Variants in DTWD1 observed in about 807,000 individuals in gnomAD.
The protein encoded by DTWD1 is tRNA-uridine aminocarboxypropyltransferase 1.
In DTWD1, 27 loss-of-function variants were observed where a neutral mutation model predicts 30.2. The observed-to-expected ratio is 0.90, with a 90% confidence interval of 0.66 to 1.23. The LOEUF (loss-of-function observed/expected upper bound fraction) is 1.23. DTWD1 is among the 50% of genes most tolerant of loss of function. DTWD1 has a pLI of 0.00. For synonymous variants in DTWD1, 99 were observed against 113.1 expected (o/e 0.88, Z 0.79); for missense variants, 342 against 348.8 (o/e 0.98, Z 0.15).
At chr15:49,629,192 A>G (rs2078885804) in intron 2 of DTWD1, among the ~76,000 whole-genome samples, 1 of 152,244 alleles carries the variant, frequency 6.6e-6, no homozygotes, top group Admixed American at 6.5e-5. Flanking sequence ...GAACACAAAC[A>G]TGGATTTCCA....
intron 2 of DTWD1, among the ~76,000 whole-genome samples, chr15:49,627,779 C>A (rs1218445359): frequency 6.6e-6 from 1 of 152,018 alleles, no homozygotes; most frequent in Non-Finnish European, 1.5e-5. Flanking sequence ...ATGGAATTTG[C>A]AGGACTGGAA....
intron 4 of DTWD1, among the ~76,000 whole-genome samples, chr15:49,642,407 A>AC (rs1567746081): frequency 6.6e-6 from 1 of 152,152 alleles, no homozygotes; most frequent in Non-Finnish European, 1.5e-5. Flanking sequence ...TTTTAAATGT[A>AC]CAAGAGCAAG....
At chr15:49,630,825 C>T (rs555339407) in intron 2 of DTWD1, 6 of 183,070 alleles carry the variant, frequency 3.3e-5, no homozygotes, top group Admixed American at 5.9e-5. Context: ...TATTTACAGC[C>T]GCTCCCCATC....
chr15:49,624,395 C>T (rs1490940595), intron 1 of DTWD1, among the ~76,000 whole-genome samples: 1 of 152,166 alleles, frequency 6.6e-6, no homozygotes, highest in Non-Finnish European at 1.5e-5. Flanking sequence ...ATTTTGGCAG[C>T]CATCACCCTT....
At chr15:49,638,955 A>T (rs1367644632) in intron 4 of DTWD1, among the ~76,000 whole-genome samples, 1 of 152,150 alleles carries the variant, frequency 6.6e-6, no homozygotes, top group Non-Finnish European at 1.5e-5. Context: ...TTTTTGTTGG[A>T]TGTGAGTCCA....
chr15:49,625,253 C>T lies in DTWD1; in HGVS notation c.86C>T (p.Ser29Phe), dbSNP rs1019948134. 1 of 1,613,364 alleles carries T rather than the reference C, an allele frequency of 6.2e-7. No individual in the cohort carries two copies. Among genetic ancestry groups the T allele is most frequent in the Non-Finnish European group, 8.5e-7 (1 of 1,179,648 alleles). ...GAAACAAAACAGTCACAAACTACTT[C>T]CATAGCTTCAGAAGATCCCCTTCAA... ...FVETKQSQTT[S>F]IASEDPLQNL... The change falls in exon 2 of 5, where the codon TCC becomes TTC. Residue 29 changes from serine (S) to phenylalanine (F), a missense_variant. Transcript: ENST00000403028.
At position 49,633,049 on chromosome 15, in the gene DTWD1, C is replaced by CTATATATCTATA. The variant is rs2078948133; in HGVS notation, c.408+754_408+755insCTATATATATAT. 4.0e-4 allele frequency among the ~76,000 whole-genome samples: 47 copies of CTATATATCTATA among 117,342 alleles called. No homozygotes were observed. In the South Asian group the frequency reaches 9.9e-3, roughly 25 times the overall value. The allele number at this position is 117,342 out of a possible 152,430, so 77.0% of individuals were successfully genotyped here. A position where few individuals can be genotyped will look rare whatever the true frequency, so the allele number is the denominator to read the frequency against. ...TTTACTTTCCTATTTATATCTATAT[C>CTATATATCTATA]TATATATATATATATATATATGTAT... On this transcript the variant is annotated intron_variant, in intron 3 of 4. Transcript: ENST00000403028.
Position 49,625,135 on chromosome 15 carries a change from G to A in DTWD1, c.-33G>A. 6.3e-7 allele frequency: 1 copy of A among 1,599,930 alleles called. No individual in the cohort carries two copies. Among genetic ancestry groups the A allele is most frequent in the South Asian group, 1.1e-5 (1 of 89,426 alleles). ...CAGTGCACCTATGATATGTGTTTTA[G>A]AAATAGCCGTTAAACTTTGGTTTGA... On this transcript the variant is annotated 5_prime_UTR_variant, in exon 2 of 5. Coordinates refer to ENST00000403028, the MANE Select transcript of DTWD1 (RefSeq NM_001144955.2).
chr15:49,640,482 A>T lies in DTWD1; in HGVS notation c.668-2849A>T, dbSNP rs979655367. On this transcript the variant is annotated intron_variant, in intron 4 of 4. Transcript: ENST00000403028. ...ACATTGCTGAGTTGTTGAGTATGAG[A>T]ATATTCACCTTTACAGGATAATGCC... Among the ~76,000 whole-genome samples the T allele has an allele frequency of 2.6e-5, 4 of 152,138 alleles. No homozygotes were observed. In the East Asian group the frequency reaches 7.7e-4, roughly 29 times the overall value.
In DTWD1 at chr15:49,653,264, G is replaced by A. The variant is rs962351981; in HGVS notation, c.*9686G>A. 2 of 152,140 alleles carry A rather than the reference G, an allele frequency of 1.3e-5. No homozygotes were observed. The highest frequency in any genetic ancestry group is 6.6e-5 in the Admixed American group (1 of 15,264). The allele number at this position is 152,140 out of a possible 1,614,324, so 9.4% of individuals were successfully genotyped here. A position where few individuals can be genotyped will look rare whatever the true frequency, so the allele number is the denominator to read the frequency against. On this transcript the variant is annotated 3_prime_UTR_variant, in exon 5 of 5. Coordinates refer to ENST00000403028, the MANE Select transcript of DTWD1 (RefSeq NM_001144955.2). ...TTAAAAGTGGAAGACGGATACATGA[G>A]AGGATGTCAGAATGATGTGAAATGA...
chr15:49,621,801 T>G (rs559328409), intron 1 of DTWD1, among the ~76,000 whole-genome samples: 56 of 152,200 alleles, frequency 3.7e-4, no homozygotes, highest in African/African-American at 1.3e-3. Context: ...TGATCCTATA[T>G]GAAAAAGGGT....
rs369516835 is a variant in DTWD1, at chr15:49,641,272, T to C, written c.668-2059T>C. Among the ~76,000 whole-genome samples, 20 of 152,100 alleles carry C rather than the reference T, an allele frequency of 1.3e-4. No homozygotes were observed. In the East Asian group the frequency reaches 2.3e-3, roughly 18 times the overall value. On this transcript the variant is annotated intron_variant, in intron 4 of 4. Coordinates refer to ENST00000403028, the MANE Select transcript of DTWD1 (RefSeq NM_001144955.2). ...CTTTTTTATAATTTTTGTTTCTTTTTTTGATTGAGGTTTTTTCTTATTCTA... is the reference window on the plus strand; with the variant it reads ...CTTTTTTATAATTTTTGTTTCTTTTCTTGATTGAGGTTTTTTCTTATTCTA...
intron 2 of DTWD1, among the ~76,000 whole-genome samples, chr15:49,628,365 C>T (rs73406052): frequency 0.06 from 9,097 of 152,186 alleles, 709 homozygotes; most frequent in African/African-American, 0.18. Flanking sequence ...TGTAGTATAG[C>T]AAATATATAA....
At chr15:49,637,949 G>A (rs2079022257) in intron 4 of DTWD1, among the ~76,000 whole-genome samples, 1 of 152,150 alleles carries the variant, frequency 6.6e-6, no homozygotes, top group Admixed American at 6.5e-5. Flanking sequence ...TATGTGTGTG[G>A]GAGAGAGTGA....
At position 49,651,710 on chromosome 15, in the gene DTWD1, C is replaced by T. The variant is rs910978144; in HGVS notation, c.*8132C>T. ...TTCCAGATAGGAGTTTGCTTTTCCT[C>T]TTTGCAGAGCCTCAGTCAGTATCAC... On this transcript the variant is annotated 3_prime_UTR_variant, in exon 5 of 5. Coordinates refer to ENST00000403028, the MANE Select transcript of DTWD1 (RefSeq NM_001144955.2). 2.6e-5 allele frequency: 4 copies of T among 152,148 alleles called. No individual in the cohort carries two copies. The highest frequency in any genetic ancestry group is 5.9e-5 in the Non-Finnish European group (4 of 68,052). 9.4% of individuals were successfully genotyped at this position (152,148 alleles called of 1,614,324 possible).
At chr15:49,626,673 A>G in intron 2 of DTWD1, 1 of 371,702 alleles carries the variant, frequency 2.7e-6, no homozygotes, top group Non-Finnish European at 5.6e-6. Flanking sequence ...ATTTGTTTTG[A>G]TGATTTTAAA....
Position 49,647,966 on chromosome 15 carries a change from A to G in DTWD1, c.*4388A>G, listed in dbSNP as rs1329072166. ...GTTGAAGATAAAATATAGCATAAGA[A>G]TAGAAAATTCTGAATTCCAAATACC... On this transcript the variant is annotated 3_prime_UTR_variant, in exon 5 of 5. Transcript: ENST00000403028. 1 of 152,196 alleles carries G rather than the reference A, an allele frequency of 6.6e-6. No homozygotes were observed. The highest frequency in any genetic ancestry group is 1.5e-5 in the Non-Finnish European group (1 of 68,028). The allele number at this position is 152,196 out of a possible 1,614,324, so 9.4% of individuals were successfully genotyped here.
chr15:49,645,750 C>G lies in DTWD1; in HGVS notation c.*2172C>G, dbSNP rs1229669056. Reference sequence around the variant, plus strand: ...CTCAGCTGGCATAAGAAAGATGACCCACGTACTTCATAAGAGCCTAATTTA... The same window carrying G: ...CTCAGCTGGCATAAGAAAGATGACCGACGTACTTCATAAGAGCCTAATTTA... On this transcript the variant is annotated 3_prime_UTR_variant, in exon 5 of 5. Transcript: ENST00000403028. 3 of 152,020 alleles carry G rather than the reference C, an allele frequency of 2.0e-5. No homozygotes were observed. Among genetic ancestry groups the G allele is most frequent in the African/African-American group, 7.2e-5 (3 of 41,396 alleles). 9.4% of individuals were successfully genotyped at this position (152,020 alleles called of 1,614,324 possible). A position where few individuals can be genotyped will look rare whatever the true frequency, so the allele number is the denominator to read the frequency against.
rs549911116 is a variant in DTWD1 at position 49,634,001 on chromosome 15, A to G, written c.409-535A>G. ...TTTAGGATTATTTTATTACATTCAC[A>G]TAATGAGATCGTTGAACCAAAGGGT... On this transcript the variant is annotated intron_variant, in intron 3 of 4. Transcript: ENST00000403028. Among the ~76,000 whole-genome samples, 44 of 152,328 alleles carry G rather than the reference A, an allele frequency of 2.9e-4. 1 individual carries two copies. The East Asian group carries it at 5.6e-3, about 19-fold the overall frequency.
Sources: allele counts gnomAD v4.1 joint callset (sites outside exome capture counted in the v4.1 genomes callset), GRCh38; gene constraint gnomAD v4.1.1; transcripts MANE v1.5; gene names NCBI Gene and HGNC (gene_info 2026-07-23, HGNC 2026-07-21).